The following UVRAG variants were observed in gnomAD, a reference collection of about 807,000 sequenced individuals.
UVRAG encodes UV radiation resistance-associated gene protein.
In UVRAG, 19 loss-of-function variants were observed where a neutral mutation model predicts 78.0. The observed-to-expected ratio is 0.24, with a 90% CI of 0.17 to 0.36. The LOEUF is 0.36. UVRAG is among the 10% of genes least tolerant of loss of function. The pLI is 1.00. For synonymous variants in UVRAG, 323 were observed against 324.6 expected, an observed-to-expected ratio of 1.00 and a Z score of 0.05; for missense variants, 740 against 853.8, an observed-to-expected ratio of 0.87 and a Z score of 1.66.
chr11:75,898,771 T>G (rs1177201512), intron 5 of UVRAG, among the ~76,000 whole-genome samples: 1 of 152,226 alleles, frequency 6.6e-6, no homozygotes, highest in Non-Finnish European at 1.5e-5. Flanking sequence ...AGTAGTAGTA[T>G]TTTCATTTTC....
At chr11:75,866,925 C>T (rs868170055) in intron 3 of UVRAG, among the ~76,000 whole-genome samples, 1 of 152,182 alleles carries the variant, frequency 6.6e-6, no homozygotes, top group Non-Finnish European at 1.5e-5. Flanking sequence ...TTCAATTTTA[C>T]TAACCTGTTG....
chr11:75,952,578 T>C (rs903084822), intron 6 of UVRAG, among the ~76,000 whole-genome samples: 9 of 152,116 alleles, frequency 5.9e-5, no homozygotes, highest in African/African-American at 2.2e-4. Flanking sequence ...ATACCAACCT[T>C]GTATAGTATT....
intron 6 of UVRAG, among the ~76,000 whole-genome samples, chr11:75,957,364 C>T (rs976570664): frequency 2.6e-5 from 4 of 151,064 alleles, no homozygotes; most frequent in Non-Finnish European, 5.9e-5. Context: ...AATTAATTTG[C>T]TATATATGTG....
At chr11:75,969,074 C>T (rs1000362480) in intron 7 of UVRAG, among the ~76,000 whole-genome samples, 2 of 152,140 alleles carry the variant, frequency 1.3e-5, no homozygotes, top group Admixed American at 6.5e-5. Flanking sequence ...TGTCATGCAA[C>T]CATTATCACC....
At chr11:76,041,183 G>A (rs1324086263) in intron 12 of UVRAG, among the ~76,000 whole-genome samples, 1 of 151,090 alleles carries the variant, frequency 6.6e-6, no homozygotes, top group Non-Finnish European at 1.5e-5. Context: ...AGCAGAATTA[G>A]TGTGAATATT....
intron 13 of UVRAG, among the ~76,000 whole-genome samples, chr11:76,090,160 G>C (rs888133322): frequency 6.6e-6 from 1 of 152,290 alleles, no homozygotes; most frequent in Admixed American, 6.5e-5. Context: ...TTCCTGATAA[G>C]AGACCACACT....
At position 76,143,425 on chromosome 11, in the gene UVRAG, G is replaced by A. The variant is rs192800799; in HGVS notation, c.*2012G>A. ...AGAGCCTGGACTCTGGGGTCTACCC[G>A]TCAGTGCCCCCCACCGCTGTGCAGA... is the stretch of plus-strand genomic sequence containing the variant. On this transcript the variant is annotated 3_prime_UTR_variant, in exon 15 of 15. Coordinates refer to ENST00000356136, the MANE Select transcript of UVRAG (RefSeq NM_003369.4). Among the ~76,000 whole-genome samples the A allele has an allele frequency of 6.8e-4, 103 of 152,314 alleles. 2 individuals are homozygous for A. The East Asian group carries it at 0.012, about 18-fold the overall frequency.
intron 6 of UVRAG, among the ~76,000 whole-genome samples, chr11:75,949,828 T>A (rs534372387): frequency 1.8e-4 from 27 of 151,820 alleles, no homozygotes; most frequent in Non-Finnish European, 2.6e-4. Flanking sequence ...TTAATAAATA[T>A]ACACACCTGT....
At chr11:76,087,086 G>GAT (rs1951601180) in intron 13 of UVRAG, among the ~76,000 whole-genome samples, 2 of 152,132 alleles carry the variant, frequency 1.3e-5, no homozygotes, top group Non-Finnish European at 1.5e-5. Context: ...TTGGAGATTT[G>GAT]CTGCCTATGC....
At position 76,003,950 on chromosome 11, in the gene UVRAG, G is replaced by A. The variant is rs559816947; in HGVS notation, c.827-55G>A. ...GGGATTTGGCTTGGCCTCTTTGGTT[G>A]TGATTGAGTAATCCTATGTTACATA... On this transcript the variant is annotated intron_variant, in intron 8 of 14. Transcript: ENST00000356136. 27 of 1,533,700 alleles carry A rather than the reference G, an allele frequency of 1.8e-5. No individual in the cohort carries two copies. The South Asian group carries it at 2.8e-4, about 16-fold the overall frequency.
intron 12 of UVRAG, among the ~76,000 whole-genome samples, chr11:76,022,271 T>C (rs779246924): frequency 2.6e-5 from 4 of 152,226 alleles, no homozygotes; most frequent in Non-Finnish European, 5.9e-5. Context: ...TATTCTGCTG[T>C]CATTAGATGC....
intron 1 of UVRAG, among the ~76,000 whole-genome samples, chr11:75,823,598 G>A (rs1945448009): frequency 6.6e-6 from 1 of 152,190 alleles, no homozygotes; most frequent in Non-Finnish European, 1.5e-5. Context: ...GCCTCCCAAA[G>A]CATTGGTATT....
chr11:76,107,734 G>A (rs558477090), intron 13 of UVRAG, among the ~76,000 whole-genome samples: 10 of 150,600 alleles, frequency 6.6e-5, no homozygotes, highest in South Asian at 4.3e-4. Context: ...GCTTTTCCAC[G>A]TCTTGAAAGA....
chr11:76,109,902 A>G (rs911209261), intron 13 of UVRAG, among the ~76,000 whole-genome samples: 1 of 152,212 alleles, frequency 6.6e-6, no homozygotes, highest in Non-Finnish European at 1.5e-5. Flanking sequence ...AGGTCCCCTG[A>G]CCACTCACAT....
intron 13 of UVRAG, among the ~76,000 whole-genome samples, chr11:76,082,795 C>G (rs980707352): frequency 6.6e-6 from 1 of 151,984 alleles, no homozygotes. Flanking sequence ...TTTGGGAGAC[C>G]GAGGCAGATG....
At chr11:76,123,107 T>C (rs1339530148) in intron 14 of UVRAG, among the ~76,000 whole-genome samples, 3 of 152,202 alleles carry the variant, frequency 2.0e-5, no homozygotes, top group Admixed American at 2.0e-4. Flanking sequence ...GTGCCCATTA[T>C]TGGGTAATGG....
At chr11:76,139,851 A>C (rs920306672) in intron 14 of UVRAG, among the ~76,000 whole-genome samples, 1 of 152,148 alleles carries the variant, frequency 6.6e-6, no homozygotes, top group African/African-American at 2.4e-5. Flanking sequence ...TAACTGAACA[A>C]TGATTGTTAT....
intron 6 of UVRAG, among the ~76,000 whole-genome samples, chr11:75,942,628 A>G (rs1948507348): frequency 6.6e-6 from 1 of 152,188 alleles, no homozygotes; most frequent in Non-Finnish European, 1.5e-5. Context: ...AAAAAATACT[A>G]TTTAAATTAC....
chr11:75,967,497 A>G (rs1949045758), intron 7 of UVRAG, among the ~76,000 whole-genome samples: 1 of 152,042 alleles, frequency 6.6e-6, no homozygotes, highest in Admixed American at 6.5e-5. Context: ...CTTTTTTCTG[A>G]TTGTTATTTA....
Sources: allele counts gnomAD v4.1 joint callset (sites outside exome capture counted in the v4.1 genomes callset), GRCh38; gene constraint gnomAD v4.1.1; transcripts MANE v1.5; gene names NCBI Gene and HGNC (gene_info 2026-07-23, HGNC 2026-07-21).